Variants in CDH12 observed in about 807,000 individuals in gnomAD.
CDH12 encodes cadherin-12.
In CDH12, 41 loss-of-function variants were observed where a neutral mutation model predicts 74.1. The ratio of observed to expected loss-of-function variants is 0.55; its 90% CI spans 0.43 to 0.72. The LOEUF (loss-of-function observed/expected upper bound fraction) is 0.72, where lower values mean the gene tolerates loss of function less well. CDH12 is among the 30% of genes least tolerant of loss of function. CDH12 has a pLI of 0.00. For missense variants in CDH12, 945 were observed against 977.2 expected (o/e 0.97, Z 0.44); for synonymous variants, 399 against 355.0 (o/e 1.12, Z -1.39).
chr5:22,377,762 T>G (rs550247530), intron 3 of CDH12, among the ~76,000 whole-genome samples: 30 of 152,308 alleles, frequency 2.0e-4, no homozygotes, highest in East Asian at 7.7e-4. Flanking sequence ...ATGTATCATA[T>G]CTTTTTAAAG....
At chr5:22,495,420 A>G (rs1027198134) in intron 2 of CDH12, among the ~76,000 whole-genome samples, 2 of 152,164 alleles carry the variant, frequency 1.3e-5, no homozygotes, top group African/African-American at 4.8e-5. Flanking sequence ...TATAAATTCA[A>G]TTAACAAGGT....
chr5:22,047,418 T>C (rs1414485557), intron 5 of CDH12, among the ~76,000 whole-genome samples: 1 of 152,176 alleles, frequency 6.6e-6, no homozygotes, highest in Non-Finnish European at 1.5e-5. Flanking sequence ...ACACTTTCCA[T>C]AATGACAACT....
intron 1 of CDH12, among the ~76,000 whole-genome samples, chr5:22,779,399 TAA>T (rs11479183): frequency 1.3e-5 from 2 of 152,216 alleles, no homozygotes; most frequent in Admixed American, 6.5e-5. Context: ...TTATATACAC[TAA>T]AAAAAATGCA....
In CDH12 at chr5:22,101,314, C is replaced by T. The variant is rs558107594; in HGVS notation, c.-186-22452G>A. On this transcript the variant is annotated intron_variant, in intron 4 of 14. Coordinates refer to ENST00000382254, the MANE Select transcript of CDH12 (RefSeq NM_004061.5). ...TTATTCCCATATTTAAAAGACTGGT[C>T]GTGTACTCCCGGTATGTATGTATTG... 8.6e-5 allele frequency among the ~76,000 whole-genome samples: 13 copies of T among 151,944 alleles called. No homozygotes were observed. In the East Asian group the frequency reaches 2.1e-3, roughly 25 times the overall value.
chr5:22,579,784 G>T (rs1739986100), intron 1 of CDH12, among the ~76,000 whole-genome samples: 1 of 152,080 alleles, frequency 6.6e-6, no homozygotes, highest in African/African-American at 2.4e-5. Context: ...CAGATTAATT[G>T]TATCTTTATG....
chr5:21,953,390 C>T (rs1436351474), intron 6 of CDH12, among the ~76,000 whole-genome samples: 1 of 152,194 alleles, frequency 6.6e-6, no homozygotes, highest in African/African-American at 2.4e-5. Flanking sequence ...TTGCCTTGGG[C>T]ATGCTTTCCG....
chr5:22,153,848 A>ATGTGTG (rs202179631), intron 4 of CDH12, among the ~76,000 whole-genome samples: 140 of 130,898 alleles, frequency 1.1e-3, no homozygotes, highest in African/African-American at 3.9e-3. Context: ...ATATACATAT[A>ATGTGTG]TGTGTGTGTG....
intron 3 of CDH12, among the ~76,000 whole-genome samples, chr5:22,345,560 A>G (rs1457218030): frequency 6.6e-6 from 1 of 152,182 alleles, no homozygotes; most frequent in African/African-American, 2.4e-5. Context: ...ATATTTATTA[A>G]CCTATTAGTT....
intron 1 of CDH12, among the ~76,000 whole-genome samples, chr5:22,601,446 T>A (rs149912199): frequency 6.6e-6 from 1 of 151,964 alleles, no homozygotes; most frequent in Non-Finnish European, 1.5e-5. Context: ...GCAGAACTCA[T>A]AGAAAATTAA....
chr5:22,558,054 T>C (rs1333345945), intron 1 of CDH12, among the ~76,000 whole-genome samples: 8 of 151,788 alleles, frequency 5.3e-5, no homozygotes, highest in African/African-American at 1.9e-4. Flanking sequence ...ATGGGGAGAA[T>C]AAAGAAGCCA....
At chr5:22,593,250 A>G (rs1266767283) in intron 1 of CDH12, among the ~76,000 whole-genome samples, 1 of 150,522 alleles carries the variant, frequency 6.6e-6, no homozygotes, top group East Asian at 2.0e-4. Context: ...CTCTCTCTCA[A>G]CCATGTTAAC....
chr5:22,741,789 G>C lies in CDH12; in HGVS notation c.-523+111269C>G, dbSNP rs150507860. Among the ~76,000 whole-genome samples, 1,291 of 152,250 alleles carry C rather than the reference G, an allele frequency of 8.5e-3. 26 individuals carry two copies. Among genetic ancestry groups the C allele is most frequent in the African/African-American group, 0.029 (1,218 of 41,538 alleles). On this transcript the variant is annotated intron_variant, in intron 1 of 14. Coordinates refer to ENST00000382254, the MANE Select transcript of CDH12 (RefSeq NM_004061.5). The stretch of plus-strand genomic sequence containing the variant: ...TACACTAATCTCTAACAAGTGCAAG[G>C]GTTTACCACCATTTGGGTTGGAATA...
At chr5:21,820,503 A>C (rs1748308389) in intron 8 of CDH12, among the ~76,000 whole-genome samples, 1 of 152,052 alleles carries the variant, frequency 6.6e-6, no homozygotes, top group Admixed American at 6.6e-5. Context: ...TGTGAAATGC[A>C]AATATACAGA....
chr5:22,176,023 C>T (rs1025534026), intron 4 of CDH12, among the ~76,000 whole-genome samples: 2 of 152,170 alleles, frequency 1.3e-5, no homozygotes, highest in African/African-American at 4.8e-5. Flanking sequence ...TGTGCTGAAT[C>T]CAGTCCAGCT....
chr5:22,549,177 T>C (rs570672404), intron 1 of CDH12, among the ~76,000 whole-genome samples: 4 of 151,988 alleles, frequency 2.6e-5, no homozygotes, highest in East Asian at 3.9e-4. Flanking sequence ...TTCACTATGT[T>C]GGCCAGGCTG....
intron 4 of CDH12, among the ~76,000 whole-genome samples, chr5:22,146,547 G>A (rs552607668): frequency 4.6e-5 from 7 of 151,994 alleles, no homozygotes; most frequent in Admixed American, 3.3e-4. Context: ...ACCCCATTAC[G>A]TTATTCCATT....
At chr5:22,441,596 A>G (rs1744624803) in intron 2 of CDH12, among the ~76,000 whole-genome samples, 1 of 151,988 alleles carries the variant, frequency 6.6e-6, no homozygotes, top group Admixed American at 6.6e-5. Flanking sequence ...AATCATTCCA[A>G]CTCAATGACT....
intron 1 of CDH12, among the ~76,000 whole-genome samples, chr5:22,783,138 T>C (rs1432516693): frequency 6.6e-6 from 1 of 152,142 alleles, no homozygotes; most frequent in Non-Finnish European, 1.5e-5. Flanking sequence ...AGGTTTTGCT[T>C]TTAGGACCTA....
chr5:22,550,298 T>C (rs190768696), intron 1 of CDH12, among the ~76,000 whole-genome samples: 173 of 152,306 alleles, frequency 1.1e-3, no homozygotes, highest in Non-Finnish European at 2.0e-3. Context: ...TCTTGAACAC[T>C]TATCTCATTT....
Sources: gnomAD v4.1 joint callset for allele counts (sites outside exome capture counted in the v4.1 genomes callset) on GRCh38, gnomAD v4.1.1 for gene constraint, MANE v1.5 for transcripts, NCBI Gene and HGNC (gene_info 2026-07-23, HGNC 2026-07-21) for gene names.